Variants in SCGB2B2 observed in about 807,000 individuals in gnomAD.
SCGB2B2 encodes the protein secretoglobin family 2B member 2, also known as secretoglobin-like protein.
A neutral mutation model predicts 7.6 loss-of-function variants in SCGB2B2; 11 were observed. That is an observed-to-expected ratio of 1.45 (90% CI 0.91 to 2.40). SCGB2B2 has a LOEUF of 2.40. Ranked by LOEUF, SCGB2B2 falls within the 30% of genes most tolerant of loss-of-function variation. The probability of loss-of-function intolerance (pLI) is 0.00; values close to 1 mark genes in which losing one functional copy is unlikely to be tolerated. For synonymous variants in SCGB2B2, 50 were observed against 48.6 expected, an observed-to-expected ratio of 1.03 and a Z score of -0.12; for missense variants, 104 against 115.4, an observed-to-expected ratio of 0.90 and a Z score of 0.45.
In SCGB2B2 at chr19:34,591,978, G is replaced by A. The variant is rs538152933; in HGVS notation, c.*1577C>T. On this transcript the variant is annotated 3_prime_UTR_variant, in exon 4 of 4. Coordinates refer to ENST00000601241, the MANE Select transcript of SCGB2B2 (RefSeq NM_001025591.4). ...CTGCCTTGTTTTCCACTGGGTGCCCGGCTCTGGGAAAGGGCCTGATGTGTG... is the reference window on the plus strand; with the variant it reads ...CTGCCTTGTTTTCCACTGGGTGCCCAGCTCTGGGAAAGGGCCTGATGTGTG... Among the ~76,000 whole-genome samples the A allele has an allele frequency of 2.0e-5, 3 of 152,174 alleles. No individual in the cohort carries two copies. The highest frequency in any genetic ancestry group is 2.9e-5 in the Non-Finnish European group (2 of 68,032).
At chr19:34,667,502 T>C (rs2067667426) in intron 1 of SCGB2B2, among the ~76,000 whole-genome samples, 1 of 152,208 alleles carries the variant, frequency 6.6e-6, no homozygotes, top group East Asian at 1.9e-4. Context: ...TAATTGGGGC[T>C]GATTGCGGGC....
intron 1 of SCGB2B2, among the ~76,000 whole-genome samples, chr19:34,638,410 T>G (rs1203961515): frequency 6.6e-6 from 1 of 150,420 alleles, no homozygotes; most frequent in East Asian, 2.0e-4. Flanking sequence ...GTCACTGCAC[T>G]CCAGCCTGGA....
chr19:34,668,311 C>A (rs562461313), intron 1 of SCGB2B2, among the ~76,000 whole-genome samples: 84 of 152,280 alleles, frequency 5.5e-4, no homozygotes, highest in African/African-American at 1.8e-3. Flanking sequence ...CCTGCCTGCC[C>A]GGGCAGTGAG....
intron 1 of SCGB2B2, among the ~76,000 whole-genome samples, chr19:34,633,904 C>T (rs1036467575): frequency 1.3e-5 from 2 of 152,116 alleles, no homozygotes; most frequent in African/African-American, 2.4e-5. Flanking sequence ...AAGGGACAGC[C>T]CTGCTTCAAT....
At chr19:34,604,492 C>T (rs1486803447) in intron 1 of SCGB2B2, among the ~76,000 whole-genome samples, 1 of 152,206 alleles carries the variant, frequency 6.6e-6, no homozygotes, top group Non-Finnish European at 1.5e-5. Flanking sequence ...CTTATATCAG[C>T]TGAAACACCA....
chr19:34,593,827 GGT>G (rs1379933210), intron 3 of SCGB2B2, among the ~76,000 whole-genome samples: 1 of 151,920 alleles, frequency 6.6e-6, no homozygotes, highest in Admixed American at 6.6e-5. Context: ...GCAGGCATGG[GGT>G]GTGTGTGTTG....
chr19:34,600,292 C>T (rs1473015278), intron 1 of SCGB2B2, among the ~76,000 whole-genome samples: 1 of 152,140 alleles, frequency 6.6e-6, no homozygotes, highest in African/African-American at 2.4e-5. Context: ...ATGTTGTTAT[C>T]TCCATTGTTT....
downstream of SCGB2B2, among the ~76,000 whole-genome samples, chr19:34,585,656 G>A (rs570945313): frequency 1.6e-4 from 25 of 152,158 alleles, no homozygotes; most frequent in Admixed American, 2.6e-4. Context: ...GGTGGGCAGG[G>A]GACTTGGTTA....
intron 1 of SCGB2B2, chr19:34,632,090 CTG>C (rs907621721): frequency 6.6e-6 from 1 of 152,296 alleles, no homozygotes; most frequent in Non-Finnish European, 1.5e-5. Context: ...CACTGTAAAG[CTG>C]TGACCCCAAA....
intron 1 of SCGB2B2, among the ~76,000 whole-genome samples, chr19:34,660,510 T>A (rs1207473791): frequency 1.3e-5 from 2 of 152,236 alleles, no homozygotes; most frequent in Non-Finnish European, 2.9e-5. Flanking sequence ...AAGACATTTA[T>A]GCAGCCAACA....
At chr19:34,629,794 C>A (rs1236597274) in intron 1 of SCGB2B2, among the ~76,000 whole-genome samples, 1 of 151,934 alleles carries the variant, frequency 6.6e-6, no homozygotes, top group African/African-American at 2.4e-5. Context: ...AAAGAAAAGC[C>A]CACATTGCCA....
At chr19:34,618,815 A>T (rs2066161602) in intron 1 of SCGB2B2, among the ~76,000 whole-genome samples, 1 of 152,230 alleles carries the variant, frequency 6.6e-6, no homozygotes, top group East Asian at 1.9e-4. Flanking sequence ...ACCATGTATC[A>T]GATTGCAGAT....
At chr19:34,609,029 G>C (rs1439282009) in intron 1 of SCGB2B2, among the ~76,000 whole-genome samples, 1 of 152,004 alleles carries the variant, frequency 6.6e-6, no homozygotes, top group Admixed American at 6.6e-5. Flanking sequence ...GAGGTGAGAT[G>C]ATAGCTCACT....
In SCGB2B2 at chr19:34,653,373, C is replaced by T. The variant is rs144984186; in HGVS notation, c.-2032+22257G>A. On this transcript the variant is annotated intron_variant, in intron 1 of 3. Transcript: ENST00000601241. Reference sequence around the variant, plus strand: ...GAGCAGATACTGCATGTTCCCAATACGAAGTAATGATCAATGTTTGAGGAG... The same window carrying T: ...GAGCAGATACTGCATGTTCCCAATATGAAGTAATGATCAATGTTTGAGGAG... Among the ~76,000 whole-genome samples, 736 of 151,188 alleles carry T rather than the reference C, an allele frequency of 4.9e-3. 49 individuals are homozygous for T. The highest frequency in any genetic ancestry group is 0.017 in the African/African-American group (699 of 40,558).
chr19:34,673,363 CT>C lies in SCGB2B2; in HGVS notation c.-2032+2266del, dbSNP rs754561866. 2.0e-5 allele frequency among the ~76,000 whole-genome samples: 3 copies of C among 152,188 alleles called. 1 individual carries two copies. The highest frequency in any genetic ancestry group is 1.3e-4 in the Admixed American group (2 of 15,284). On this transcript the variant is annotated intron_variant, in intron 1 of 3. Coordinates refer to ENST00000601241, the MANE Select transcript of SCGB2B2 (RefSeq NM_001025591.4). ...CAGTCTCTATTCCAGTGCCTCTAAC[CT>C]TTCTGCTAACAATGCAAGTCAGGGT...
downstream of SCGB2B2, among the ~76,000 whole-genome samples, chr19:34,588,423 C>T (rs548263027): frequency 6.6e-6 from 1 of 152,334 alleles, no homozygotes; most frequent in South Asian, 2.1e-4. Context: ...GCCACAGGTC[C>T]GCATACCAGT....
At chr19:34,616,304 G>A (rs372216163) in intron 1 of SCGB2B2, among the ~76,000 whole-genome samples, 36 of 148,668 alleles carry the variant, frequency 2.4e-4, no homozygotes, top group African/African-American at 6.9e-4. Context: ...CAGTCCCACC[G>A]ACAGGGTAAA....
At chr19:34,626,178 G>T (rs2066371379) in intron 1 of SCGB2B2, among the ~76,000 whole-genome samples, 1 of 152,098 alleles carries the variant, frequency 6.6e-6, no homozygotes, top group African/African-American at 2.4e-5. Context: ...CAGAAAAACT[G>T]GAAACTCTAA....
intron 1 of SCGB2B2, among the ~76,000 whole-genome samples, chr19:34,612,780 T>C (rs946560764): frequency 2.6e-5 from 4 of 152,218 alleles, no homozygotes; most frequent in South Asian, 2.1e-4. Context: ...GTAATTGTAT[T>C]GGAGTCTATC....
Sources: allele counts gnomAD v4.1 joint callset (sites outside exome capture counted in the v4.1 genomes callset), GRCh38; gene constraint gnomAD v4.1.1; transcripts MANE v1.5; gene names NCBI Gene and HGNC (gene_info 2026-07-23, HGNC 2026-07-21).